The following PDPR variants were observed in gnomAD, a reference collection of about 807,000 sequenced individuals.
PDPR encodes the protein pyruvate dehydrogenase phosphatase regulatory subunit.
Under a neutral mutation model 102.2 loss-of-function variants are expected in PDPR, and 50 were observed. The observed-to-expected ratio is 0.49, with a 90% CI of 0.39 to 0.62. The LOEUF is 0.62. PDPR is among the 20% of genes least tolerant of loss of function. PDPR has a pLI of 0.00. For synonymous variants in PDPR, 259 were observed against 406.0 expected (o/e 0.64, Z 4.35); for missense variants, 625 against 1,098.2 (o/e 0.57, Z 6.09).
In PDPR at chr16:70,120,509, T is replaced by A; in HGVS notation, c.17T>A (p.Leu6Ter). 1 of 1,613,954 alleles carries A rather than the reference T, an allele frequency of 6.2e-7. No homozygotes were observed. The highest frequency in any genetic ancestry group is 8.5e-7 in the Non-Finnish European group (1 of 1,179,816). ...GTGAGAGACATGATGTTCTACCGGT[T>A]GCTGTCGATTGTTGGAAGACAAAGA... is the stretch of plus-strand genomic sequence containing the variant. MMFYR[L>*]LSIVGRQRAS... Residue 6 changes from leucine (L) to a stop codon, truncating the protein, a stop_gained, in exon 3 of 19, where the codon TTG becomes TAG. Transcript: ENST00000288050. LOFTEE classifies it high-confidence loss of function.
At chr16:70,150,858 TAGCCTTGA>T (rs1567559028) in intron 17 of PDPR, among the ~76,000 whole-genome samples, 1 of 152,268 alleles carries the variant, frequency 6.6e-6, no homozygotes. Context: ...TAGCTCACTG[TAGCCTTGA>T]ACTTCTGGGC....
chr16:70,135,651 G>A (rs568815787), intron 9 of PDPR, among the ~76,000 whole-genome samples: 1 of 152,382 alleles, frequency 6.6e-6, no homozygotes, highest in African/African-American at 2.4e-5. Context: ...GTTCTCTGCT[G>A]CTTTCCTTTC....
intron 2 of PDPR, among the ~76,000 whole-genome samples, chr16:70,119,850 C>A (rs1248444339): frequency 6.6e-6 from 1 of 150,832 alleles, no homozygotes; most frequent in Admixed American, 6.6e-5. Flanking sequence ...TTCTTGTTCA[C>A]TGCTAGCAGA....
intron 2 of PDPR, among the ~76,000 whole-genome samples, chr16:70,116,143 A>C (rs3865167): frequency 0.35 from 48,565 of 138,084 alleles, 8,840 homozygotes; most frequent in Non-Finnish European, 0.37. Context: ...AGTGGCGCGA[A>C]TCTGCCCACT....
intron 9 of PDPR, among the ~76,000 whole-genome samples, chr16:70,134,753 T>G (rs1245784019): frequency 6.7e-6 from 1 of 148,532 alleles, no homozygotes; most frequent in Admixed American, 6.8e-5. Flanking sequence ...ACCACTGCAC[T>G]CCAGCCTGGG....
chr16:70,143,188 A>C (rs1965905842), intron 13 of PDPR, among the ~76,000 whole-genome samples: 1 of 93,206 alleles, frequency 1.1e-5, no homozygotes, highest in Non-Finnish European at 2.3e-5. Flanking sequence ...ACTCCATCTC[A>C]AAAAAAAAAA....
chr16:70,142,706 A>G lies in PDPR; in HGVS notation c.1605+20A>G. 1 of 1,572,240 alleles carries G rather than the reference A, an allele frequency of 6.4e-7. No homozygotes were observed. The highest frequency in any genetic ancestry group is 8.6e-7 in the Non-Finnish European group (1 of 1,161,514). On this transcript the variant is annotated intron_variant, in intron 13 of 18. Coordinates refer to ENST00000288050, the MANE Select transcript of PDPR (RefSeq NM_017990.5). The stretch of plus-strand genomic sequence containing the variant: ...ATAACAGTAAGTATTTGGGAACCAA[A>G]AAGTAATAGATTAGGAAACTTTACA...
intron 9 of PDPR, among the ~76,000 whole-genome samples, chr16:70,135,393 C>T (rs140951311): frequency 3.7e-4 from 56 of 152,336 alleles, no homozygotes; most frequent in African/African-American, 1.2e-3. Context: ...TCCACCATCA[C>T]GACTGGCTAA....
intron 3 of PDPR, among the ~76,000 whole-genome samples, chr16:70,126,694 TTA>T (rs1964010583): frequency 6.6e-6 from 1 of 152,270 alleles, no homozygotes; most frequent in Non-Finnish European, 1.5e-5. Flanking sequence ...ATTTTTATTT[TTA>T]TCTTTTTTTG....
At chr16:70,131,747 A>C (rs1162413361) in intron 8 of PDPR, 1 of 985,292 alleles carries the variant, frequency 1.0e-6, no homozygotes, top group African/African-American at 1.7e-5. Context: ...GGTAAACAAT[A>C]GACTTAGGTG....
intron 4 of PDPR, among the ~76,000 whole-genome samples, chr16:70,128,027 T>G (rs1174858661): frequency 1.1e-4 from 17 of 152,314 alleles, no homozygotes; most frequent in African/African-American, 4.1e-4. Flanking sequence ...GAGGGTCTGA[T>G]TGGATAAGCT....
chr16:70,150,925 G>A (rs1313239970), intron 17 of PDPR, among the ~76,000 whole-genome samples: 2 of 152,222 alleles, frequency 1.3e-5, no homozygotes, highest in African/African-American at 4.8e-5. Flanking sequence ...GACCACAGAT[G>A]CCCAGCTATC....
intron 15 of PDPR, 77 bp from the exon 16 acceptor site, chr16:70,146,057 A>G: frequency 1.3e-6 from 2 of 1,585,194 alleles, no homozygotes; most frequent in Non-Finnish European, 1.7e-6. Context: ...ATAGCTGAGC[A>G]AGTCTACAGT....
At chr16:70,138,696 G>A (rs1048471257) in intron 10 of PDPR, among the ~76,000 whole-genome samples, 8 of 152,244 alleles carry the variant, frequency 5.3e-5, no homozygotes, top group Admixed American at 1.3e-4. Context: ...ATCATCTGGG[G>A]TAAAATCCTC....
At chr16:70,137,105 C>T (rs1181941498) in intron 10 of PDPR, among the ~76,000 whole-genome samples, 2 of 152,142 alleles carry the variant, frequency 1.3e-5, no homozygotes, top group Non-Finnish European at 2.9e-5. Flanking sequence ...GTAATCCCAG[C>T]ACTTTGGGAG....
At chr16:70,122,711 C>G (rs1486436567) in intron 3 of PDPR, among the ~76,000 whole-genome samples, 1 of 152,238 alleles carries the variant, frequency 6.6e-6, no homozygotes, top group Non-Finnish European at 1.5e-5. Context: ...CAACTGTTGC[C>G]TGAGTCAGCC....
chr16:70,119,274 A>T (rs1213963255), intron 2 of PDPR, among the ~76,000 whole-genome samples: 1 of 152,068 alleles, frequency 6.6e-6, no homozygotes, highest in East Asian at 1.9e-4. Context: ...TGTTTTTCTT[A>T]TAATTCTACC....
chr16:70,149,847 G>A (rs139694326), intron 17 of PDPR, among the ~76,000 whole-genome samples: 2,556 of 151,252 alleles, frequency 0.017, 5 homozygotes, highest in Non-Finnish European at 0.026. Flanking sequence ...CTGGAGTGCA[G>A]TGGCGCAATC....
At chr16:70,133,229 C>T (rs549321603) in intron 9 of PDPR, among the ~76,000 whole-genome samples, 26 of 151,188 alleles carry the variant, frequency 1.7e-4, no homozygotes, top group South Asian at 1.7e-3. Context: ...ATTCTCCTGC[C>T]TCAGCCTCCA....
Sources: gnomAD v4.1 joint callset for allele counts (sites outside exome capture counted in the v4.1 genomes callset) on GRCh38, gnomAD v4.1.1 for gene constraint, MANE v1.5 for transcripts, NCBI Gene and HGNC (gene_info 2026-07-23, HGNC 2026-07-21) for gene names.